The following SLC4A10 variants were observed in gnomAD, a reference collection of about 807,000 sequenced individuals.
The protein encoded by SLC4A10 is solute carrier family 4 member 10.
SLC4A10 carries 42 observed loss-of-function variants against 137.7 expected under a neutral mutation model. The observed-to-expected ratio is 0.30, with a 90% CI of 0.24 to 0.39. SLC4A10 has a LOEUF of 0.39. Ranked by LOEUF, SLC4A10 falls within the 10% of genes least tolerant of loss-of-function variation. The pLI is 1.00. For missense variants in SLC4A10, 925 were observed against 1,355.0 expected, an observed-to-expected ratio of 0.68 and a Z score of 4.98; for synonymous variants, 474 against 464.1, an observed-to-expected ratio of 1.02 and a Z score of -0.27.
At chr2:161,721,655 T>G (rs1171587737) in intron 1 of SLC4A10, among the ~76,000 whole-genome samples, 1 of 152,178 alleles carries the variant, frequency 6.6e-6, no homozygotes. Flanking sequence ...ATCTGATGAC[T>G]ATATGTCTTG....
At chr2:161,863,149 T>A in intron 6 of SLC4A10, 87 bp downstream of exon 6, 1 of 1,223,370 alleles carries the variant, frequency 8.2e-7, no homozygotes, top group South Asian at 2.0e-5. Context: ...ACTTGTTTTA[T>A]TTGAAAATGA....
chr2:161,883,839 G>A (rs1913803), intron 10 of SLC4A10, among the ~76,000 whole-genome samples: 49,545 of 151,824 alleles, frequency 0.33, 8,411 homozygotes, highest in Admixed American at 0.4. Flanking sequence ...ATTTGATTTA[G>A]GGCCCATCCT....
intron 1 of SLC4A10, among the ~76,000 whole-genome samples, chr2:161,769,310 C>T (rs2051278464): frequency 6.6e-6 from 1 of 151,856 alleles, no homozygotes; most frequent in Admixed American, 6.6e-5. Context: ...TCCTGTATTT[C>T]TGTCTGTATA....
intron 2 of SLC4A10, among the ~76,000 whole-genome samples, chr2:161,791,164 C>T (rs1401906559): frequency 1.3e-5 from 2 of 152,102 alleles, no homozygotes; most frequent in Non-Finnish European, 2.9e-5. Flanking sequence ...GATACATGCA[C>T]GCACGTGTTC....
intron 5 of SLC4A10, among the ~76,000 whole-genome samples, chr2:161,856,950 C>G (rs2060140684): frequency 1.3e-5 from 2 of 152,118 alleles, no homozygotes; most frequent in Admixed American, 1.3e-4. Flanking sequence ...AAATGGGAAA[C>G]AAAACTGTCA....
chr2:161,676,949 T>C (rs2040337188), intron 1 of SLC4A10, among the ~76,000 whole-genome samples: 1 of 152,164 alleles, frequency 6.6e-6, no homozygotes, highest in South Asian at 2.1e-4. Flanking sequence ...AGTAACAGTT[T>C]ATTTGATTAC....
At chr2:161,659,139 A>C (rs746347483) in intron 1 of SLC4A10, among the ~76,000 whole-genome samples, 1 of 152,208 alleles carries the variant, frequency 6.6e-6, no homozygotes, top group Non-Finnish European at 1.5e-5. Context: ...AATAGCAAAG[A>C]TATGGAATCA....
intron 1 of SLC4A10, among the ~76,000 whole-genome samples, chr2:161,736,686 T>C (rs948326647): frequency 1.3e-5 from 2 of 151,966 alleles, no homozygotes; most frequent in African/African-American, 4.8e-5. Flanking sequence ...TCTCATTAGG[T>C]CCCTCCCATG....
rs919198934 is a variant in SLC4A10, at chr2:161,850,235, CA to C, written c.417-4728del. 4.0e-5 allele frequency among the ~76,000 whole-genome samples: 6 copies of C among 151,840 alleles called. No homozygotes were observed. In the Middle Eastern group the frequency reaches 0.017, roughly 433 times the overall value. Reference sequence around the variant, plus strand: ...CAAAACCCTGTCTCTACTAAAAATACAAAAAAATTAGCTAGACACAGTGGTG... The same window carrying C: ...CAAAACCCTGTCTCTACTAAAAATACAAAAAATTAGCTAGACACAGTGGTG... On this transcript the variant is annotated intron_variant, in intron 4 of 26. Coordinates refer to ENST00000446997, the MANE Select transcript of SLC4A10 (RefSeq NM_001178015.2).
At chr2:161,961,384 G>T (rs1036121253) in intron 21 of SLC4A10, among the ~76,000 whole-genome samples, 2 of 152,134 alleles carry the variant, frequency 1.3e-5, no homozygotes, top group African/African-American at 4.8e-5. Context: ...AACTGGGAGA[G>T]GGAGATGGTT....
At chr2:161,646,184 G>A (rs2036003537) in intron 1 of SLC4A10, among the ~76,000 whole-genome samples, 1 of 151,976 alleles carries the variant, frequency 6.6e-6, no homozygotes, top group South Asian at 2.1e-4. Flanking sequence ...AATTGATTAA[G>A]TTTCCATAGG....
At chr2:161,750,233 T>C (rs747365388) in intron 1 of SLC4A10, among the ~76,000 whole-genome samples, 1 of 151,754 alleles carries the variant, frequency 6.6e-6, no homozygotes, top group Middle Eastern at 3.4e-3. Context: ...TCATTTTTGT[T>C]TTCTCTATTG....
intron 2 of SLC4A10, among the ~76,000 whole-genome samples, chr2:161,803,301 T>C (rs949808566): frequency 6.6e-6 from 1 of 152,132 alleles, no homozygotes; most frequent in Non-Finnish European, 1.5e-5. Flanking sequence ...CACAATTTCT[T>C]CTCTTATTAA....
intron 11 of SLC4A10, among the ~76,000 whole-genome samples, chr2:161,897,507 A>C (rs985265224): frequency 6.6e-6 from 1 of 152,166 alleles, no homozygotes; most frequent in Non-Finnish European, 1.5e-5. Context: ...CCACTCAACC[A>C]TGAGTACTTA....
intron 2 of SLC4A10, among the ~76,000 whole-genome samples, chr2:161,791,017 G>A (rs946900584): frequency 6.6e-6 from 1 of 152,084 alleles, no homozygotes; most frequent in Non-Finnish European, 1.5e-5. Context: ...CACTATTGGT[G>A]GAAACGTAAA....
intron 1 of SLC4A10, among the ~76,000 whole-genome samples, chr2:161,699,297 G>A (rs145657517): frequency 0.014 from 2,165 of 152,276 alleles, 58 homozygotes; most frequent in African/African-American, 0.049. Context: ...TGGGATTACA[G>A]GCGTGAGCCA....
At chr2:161,973,616 G>A (rs1253084767) in intron 23 of SLC4A10, among the ~76,000 whole-genome samples, 2 of 152,268 alleles carry the variant, frequency 1.3e-5, no homozygotes, top group Non-Finnish European at 2.9e-5. Flanking sequence ...TCTGTGTTTT[G>A]ATCCATACAG....
chr2:161,803,914 C>A (rs1292379411), intron 2 of SLC4A10, among the ~76,000 whole-genome samples: 2 of 152,030 alleles, frequency 1.3e-5, no homozygotes, highest in Non-Finnish European at 2.9e-5. Flanking sequence ...ATGCCAGAGT[C>A]GAAACTCTTG....
At chr2:161,789,455 A>C (rs912880321) in intron 2 of SLC4A10, among the ~76,000 whole-genome samples, 1 of 151,984 alleles carries the variant, frequency 6.6e-6, no homozygotes, top group African/African-American at 2.4e-5. Context: ...TTGGATCATG[A>C]CCATTCAACT....
Sources: allele counts gnomAD v4.1 joint callset (sites outside exome capture counted in the v4.1 genomes callset), GRCh38; gene constraint gnomAD v4.1.1; transcripts MANE v1.5; gene names NCBI Gene and HGNC (gene_info 2026-07-23, HGNC 2026-07-21).